SLC7A1: variants seen among roughly 807,000 people sequenced by gnomAD.
SLC7A1 encodes solute carrier family 7 member 1, also known as high affinity cationic amino acid transporter 1.
Under a neutral mutation model 53.9 loss-of-function variants are expected in SLC7A1, and 10 were observed. The observed-to-expected ratio is 0.19, with a 90% CI of 0.11 to 0.31. The LOEUF is 0.31. Ranked by LOEUF, SLC7A1 falls within the 10% of genes least tolerant of loss-of-function variation. The pLI is 1.00. For synonymous variants in SLC7A1, 342 were observed against 338.7 expected, an observed-to-expected ratio of 1.01 and a Z score of -0.11; for missense variants, 525 against 827.2, an observed-to-expected ratio of 0.63 and a Z score of 4.48.
At position 29,532,925 on chromosome 13, in the gene SLC7A1, G is replaced by T. The variant is rs1251574516; in HGVS notation, c.428C>A (p.Pro143His). Residue 143 changes from proline to histidine, a missense_variant, in exon 4 of 13, where the codon CCC becomes CAC. Coordinates refer to ENST00000380752, the MANE Select transcript of SLC7A1 (RefSeq NM_003045.5). ...SATFDELIGR[P>H]IGEFSRTHMT... ...GTGTGTCCGTGAGAACTCCCCGATGGGTCTGCCTATCAGCTCGTCGAAGGT... is the reference window on the plus strand; with the variant it reads ...GTGTGTCCGTGAGAACTCCCCGATGTGTCTGCCTATCAGCTCGTCGAAGGT... 1 of 1,614,118 alleles carries T rather than the reference G, an allele frequency of 6.2e-7. No individual in the cohort carries two copies. Among genetic ancestry groups the T allele is most frequent in the Admixed American group, 1.7e-5 (1 of 60,010 alleles).
intron 10 of SLC7A1, 84 bp from the exon 11 acceptor site, chr13:29,517,394 G>T: frequency 7.0e-7 from 1 of 1,420,526 alleles, no homozygotes; most frequent in Non-Finnish European, 9.7e-7. Context: ...CCCTAAACTT[G>T]TGGAGAGAGA....
chr13:29,582,551 G>A (rs1871693220), intron 1 of SLC7A1, among the ~76,000 whole-genome samples: 1 of 152,318 alleles, frequency 6.6e-6, no homozygotes, highest in South Asian at 2.1e-4. Context: ...CAGACCCTCA[G>A]GGAGATGTGG....
Position 29,511,865 on chromosome 13 carries a change from G to A in SLC7A1, c.*2615C>T, listed in dbSNP as rs1169420185. 2.6e-5 allele frequency: 4 copies of A among 152,196 alleles called. No homozygotes were observed. Among genetic ancestry groups the A allele is most frequent in the Non-Finnish European group, 4.4e-5 (3 of 68,038 alleles). The allele number at this position is 152,196 out of a possible 1,614,324, so 9.4% of individuals were successfully genotyped here. ...GTAGACACAATACTCCTTGGTGGGT[G>A]TGCCTCTAGTAATGTGTAAGTTCTG... On this transcript the variant is annotated 3_prime_UTR_variant, in exon 13 of 13. Coordinates refer to ENST00000380752, the MANE Select transcript of SLC7A1 (RefSeq NM_003045.5).
chr13:29,590,826 A>G (rs9506206), intron 1 of SLC7A1, among the ~76,000 whole-genome samples: 88,765 of 152,102 alleles, frequency 0.58, 31,000 homozygotes, highest in Non-Finnish European at 0.79. Flanking sequence ...TCTCAGGGCT[A>G]GGCTAAGTGG....
At chr13:29,577,320 T>G (rs1371262099) in intron 1 of SLC7A1, among the ~76,000 whole-genome samples, 3 of 152,276 alleles carry the variant, frequency 2.0e-5, no homozygotes, top group Admixed American at 2.0e-4. Context: ...AGGTCAGGGT[T>G]AGCCAGAGCC....
intron 2 of SLC7A1, among the ~76,000 whole-genome samples, chr13:29,537,882 G>A (rs924656471): frequency 6.6e-6 from 1 of 152,172 alleles, no homozygotes; most frequent in Admixed American, 6.5e-5. Flanking sequence ...AGAAAAGTCC[G>A]TGCCTAACGA....
Position 29,510,955 on chromosome 13 carries a change from C to T in SLC7A1, c.*3525G>A, listed in dbSNP as rs1883373496. 1 of 152,338 alleles carries T rather than the reference C, an allele frequency of 6.6e-6. No individual in the cohort carries two copies. Among genetic ancestry groups the T allele is most frequent in the Non-Finnish European group, 1.5e-5 (1 of 68,092 alleles). The allele number at this position is 152,338 out of a possible 1,614,324, so 9.4% of individuals were successfully genotyped here. On this transcript the variant is annotated 3_prime_UTR_variant, in exon 13 of 13. Transcript: ENST00000380752. ...ATGTCCACGTGCCCCCCACCAGACT[C>T]ATTGCCCTGTCTCCAGTCTCCACTG...
At chr13:29,534,626 C>T (rs1869324108) in intron 3 of SLC7A1, among the ~76,000 whole-genome samples, 1 of 148,930 alleles carries the variant, frequency 6.7e-6, no homozygotes, top group Non-Finnish European at 1.5e-5. Context: ...GGAGTGATGC[C>T]CCCCATGCAG....
chr13:29,536,350 A>G (rs1869419689), intron 2 of SLC7A1, 148 bp from the exon 3 acceptor site: 1 of 854,748 alleles, frequency 1.2e-6, no homozygotes, highest in African/African-American at 1.7e-5. Flanking sequence ...TTCCACCATC[A>G]ATTGTCAGAA....
chr13:29,550,853 T>C (rs1821785269), intron 2 of SLC7A1, among the ~76,000 whole-genome samples: 1 of 152,228 alleles, frequency 6.6e-6, no homozygotes, highest in African/African-American at 2.4e-5. Context: ...GACTAATAAA[T>C]GGTCCAAACA....
intron 2 of SLC7A1, among the ~76,000 whole-genome samples, chr13:29,550,898 T>A (rs1870149445): frequency 6.6e-6 from 1 of 152,260 alleles, no homozygotes; most frequent in Non-Finnish European, 1.5e-5. Context: ...GGTGTTCATT[T>A]GCTCACTGAA....
rs1449156249 is a variant in SLC7A1 at position 29,516,249 on chromosome 13, G to A, written c.1678-3C>T. 2 of 1,603,668 alleles carry A rather than the reference G, an allele frequency of 1.2e-6. No homozygotes were observed. Among genetic ancestry groups the A allele is most frequent in the South Asian group, 1.1e-5 (1 of 90,144 alleles). ...GGGAGCACTGGCAGGAAGGGAACCT[G>A]AAGAGACAGGAGGTGGCTTCAATCC... On this transcript the variant is annotated splice_polypyrimidine_tract_variant and splice_region_variant and intron_variant, in intron 11 of 12. Transcript: ENST00000380752.
chr13:29,518,980 G>T (rs1160491005), intron 9 of SLC7A1, among the ~76,000 whole-genome samples: 1 of 152,056 alleles, frequency 6.6e-6, no homozygotes, highest in African/African-American at 2.4e-5. Flanking sequence ...CCTAGGGCAC[G>T]CCATGCCACA....
At chr13:29,555,357 C>CAAAAAAAAAAAAAAAAAAAAA in intron 1 of SLC7A1, among the ~76,000 whole-genome samples, 7 of 18,778 alleles carry the variant, frequency 3.7e-4, no homozygotes, top group Admixed American at 9.3e-4. Flanking sequence ...GACTCCGTCT[C>CAAAAAAAAAAAAAAAAAAAAA]AAAAAAAAAA....
chr13:29,531,131 T>TGGG (rs1869139675), intron 4 of SLC7A1, among the ~76,000 whole-genome samples: 2 of 152,212 alleles, frequency 1.3e-5, no homozygotes, highest in Admixed American at 1.3e-4. Context: ...AGACTTTGCA[T>TGGG]AGTTTCCTGG....
intron 12 of SLC7A1, 110 bp downstream of exon 12, chr13:29,516,028 T>C: frequency 1.5e-6 from 1 of 645,208 alleles, no homozygotes; most frequent in South Asian, 2.1e-5. Flanking sequence ...CAGCATTATC[T>C]TCGAGAAAGC....
intron 1 of SLC7A1, among the ~76,000 whole-genome samples, chr13:29,580,816 C>G (rs1871614226): frequency 6.6e-6 from 1 of 152,146 alleles, no homozygotes. Context: ...CAAACGAAAT[C>G]AGATTTCCCC....
chr13:29,561,317 G>A (rs147112397), intron 1 of SLC7A1, among the ~76,000 whole-genome samples: 3 of 152,246 alleles, frequency 2.0e-5, no homozygotes, highest in East Asian at 1.9e-4. Flanking sequence ...GTGGTGACGC[G>A]CTGAGGGGGT....
At chr13:29,538,369 G>A (rs1869518165) in intron 2 of SLC7A1, among the ~76,000 whole-genome samples, 1 of 152,184 alleles carries the variant, frequency 6.6e-6, no homozygotes, top group African/African-American at 2.4e-5. Context: ...GAGAAGAGCA[G>A]GAAAAGGGCC....
Sources: allele counts gnomAD v4.1 joint callset (sites outside exome capture counted in the v4.1 genomes callset), GRCh38; gene constraint gnomAD v4.1.1; transcripts MANE v1.5; gene names NCBI Gene and HGNC (gene_info 2026-07-23, HGNC 2026-07-21).